Variants in SNX24 observed in about 807,000 individuals in gnomAD.
SNX24 encodes sorting nexin-24.
Under a neutral mutation model 28.7 loss-of-function variants are expected in SNX24, and 22 were observed. That is an observed-to-expected ratio of 0.77 (90% CI 0.55 to 1.10). The LOEUF (loss-of-function observed/expected upper bound fraction) is 1.10, where lower values mean the gene tolerates loss of function less well. Among genes scored for constraint, SNX24 ranks in the 50% least tolerant of loss-of-function variants. The pLI, the probability that SNX24 is intolerant of heterozygous loss-of-function variation, is 0.00. For synonymous variants in SNX24, 69 were observed against 71.5 expected, an observed-to-expected ratio of 0.96 and a Z score of 0.18; for missense variants, 221 against 201.1, an observed-to-expected ratio of 1.10 and a Z score of -0.60.
At chr5:122,963,359 A>C (rs1306086148) in intron 3 of SNX24, among the ~76,000 whole-genome samples, 1 of 152,202 alleles carries the variant, frequency 6.6e-6, no homozygotes, top group Non-Finnish European at 1.5e-5. Flanking sequence ...ACCTGTGCTA[A>C]TTTCCAGAAA....
chr5:123,013,250 A>C (rs954586937), downstream of SNX24, among the ~76,000 whole-genome samples: 4 of 152,240 alleles, frequency 2.6e-5, no homozygotes, highest in African/African-American at 9.6e-5. Flanking sequence ...TAATTACTTA[A>C]AGAATACAGA....
At chr5:123,002,573 A>G in intron 6 of SNX24, among the ~76,000 whole-genome samples, 1 of 152,188 alleles carries the variant, frequency 6.6e-6, no homozygotes, top group Admixed American at 6.5e-5. Context: ...CGGAGCTTGC[A>G]GTGAGCCGAG....
At chr5:122,942,966 G>A (rs1174653207) in intron 2 of SNX24, among the ~76,000 whole-genome samples, 1 of 152,106 alleles carries the variant, frequency 6.6e-6, no homozygotes, top group African/African-American at 2.4e-5. Context: ...TAAAAGGAGA[G>A]ACATATAATA....
chr5:122,848,174 C>G (rs1192551485), intron 1 of SNX24, among the ~76,000 whole-genome samples: 1 of 152,150 alleles, frequency 6.6e-6, no homozygotes, highest in Non-Finnish European at 1.5e-5. Flanking sequence ...GCAATCCTAG[C>G]TCACAGCAGC....
intron 1 of SNX24, among the ~76,000 whole-genome samples, chr5:122,931,747 G>C (rs2150112275): frequency 6.6e-6 from 1 of 151,994 alleles, no homozygotes; most frequent in Admixed American, 6.5e-5. Flanking sequence ...ATCTTTATTT[G>C]TATATAGAAC....
At chr5:122,892,528 C>T (rs1473136667) in intron 1 of SNX24, among the ~76,000 whole-genome samples, 2 of 151,666 alleles carry the variant, frequency 1.3e-5, no homozygotes, top group African/African-American at 2.4e-5. Context: ...CAACTTCTGC[C>T]TCCCAAGTTC....
chr5:122,909,958 C>G (rs1757809814), intron 1 of SNX24, among the ~76,000 whole-genome samples: 1 of 152,134 alleles, frequency 6.6e-6, no homozygotes, highest in Non-Finnish European at 1.5e-5. Flanking sequence ...ATGCTTTTCA[C>G]TAATGAGGAA....
chr5:122,874,208 GT>G (rs1004402296), intron 1 of SNX24, among the ~76,000 whole-genome samples: 3 of 152,204 alleles, frequency 2.0e-5, no homozygotes, highest in African/African-American at 4.8e-5. Flanking sequence ...ATTAGCCTCA[GT>G]TTCCTTATCT....
intron 1 of SNX24, among the ~76,000 whole-genome samples, chr5:122,885,960 G>T (rs1756689124): frequency 6.6e-6 from 1 of 151,448 alleles, no homozygotes; most frequent in African/African-American, 2.4e-5. Flanking sequence ...GCTCCTATGA[G>T]AATCTAATGC....
chr5:122,880,318 T>C (rs1756422045), intron 1 of SNX24, among the ~76,000 whole-genome samples: 1 of 152,194 alleles, frequency 6.6e-6, no homozygotes, highest in Non-Finnish European at 1.5e-5. Flanking sequence ...TGAAAAACTT[T>C]TTCATTAAGA....
At chr5:122,862,332 G>A (rs886387179) in intron 1 of SNX24, among the ~76,000 whole-genome samples, 6 of 152,048 alleles carry the variant, frequency 3.9e-5, no homozygotes, top group Admixed American at 3.9e-4. Context: ...AAAAAAGAAA[G>A]AGGCTGGGCT....
intron 1 of SNX24, among the ~76,000 whole-genome samples, chr5:122,901,523 A>G (rs191435017): frequency 6.6e-6 from 1 of 152,338 alleles, no homozygotes; most frequent in East Asian, 1.9e-4. Flanking sequence ...CGGGGCTGGT[A>G]TGCAGGAGGT....
At chr5:122,881,737 T>C (rs1412726436) in intron 1 of SNX24, among the ~76,000 whole-genome samples, 3 of 149,636 alleles carry the variant, frequency 2.0e-5, no homozygotes, top group African/African-American at 7.3e-5. Flanking sequence ...TAGGTATACA[T>C]ATATATTAAA....
intron 1 of SNX24, among the ~76,000 whole-genome samples, chr5:122,864,331 C>T (rs771820501): frequency 6.6e-5 from 10 of 152,008 alleles, no homozygotes; most frequent in African/African-American, 9.7e-5. Flanking sequence ...GAAAAAGTGA[C>T]GAACAAGGGT....
chr5:122,947,032 C>G (rs1414734749), intron 3 of SNX24, among the ~76,000 whole-genome samples: 1 of 152,154 alleles, frequency 6.6e-6, no homozygotes, highest in Non-Finnish European at 1.5e-5. Flanking sequence ...AGAAGCGACA[C>G]ATGAGAATGA....
chr5:122,874,155 A>G (rs1368694138), intron 1 of SNX24, among the ~76,000 whole-genome samples: 1 of 152,238 alleles, frequency 6.6e-6, no homozygotes, highest in Non-Finnish European at 1.5e-5. Context: ...AGATATTACT[A>G]TATAAATACA....
At chr5:122,974,277 A>G (rs780901620) in intron 3 of SNX24, among the ~76,000 whole-genome samples, 1 of 152,218 alleles carries the variant, frequency 6.6e-6, no homozygotes, top group Non-Finnish European at 1.5e-5. Context: ...TGTCTCACCA[A>G]TAAGTCCAGT....
chr5:122,878,883 G>A (rs1581698132), intron 1 of SNX24, among the ~76,000 whole-genome samples: 1 of 151,538 alleles, frequency 6.6e-6, no homozygotes, highest in African/African-American at 2.4e-5. Context: ...GGCTGAGGAA[G>A]GAAGATCGTT....
At chr5:122,870,176 T>C (rs1304518935) in intron 1 of SNX24, among the ~76,000 whole-genome samples, 7 of 152,236 alleles carry the variant, frequency 4.6e-5, no homozygotes, top group Non-Finnish European at 8.8e-5. Flanking sequence ...TTCAGAACTT[T>C]AGAATGGAGA....
Sources: allele counts gnomAD v4.1 joint callset (sites outside exome capture counted in the v4.1 genomes callset), GRCh38; gene constraint gnomAD v4.1.1; transcripts MANE v1.5; gene names NCBI Gene and HGNC (gene_info 2026-07-23, HGNC 2026-07-21).